SLC28A1: variants seen among roughly 807,000 people sequenced by gnomAD.
The protein encoded by SLC28A1 is solute carrier family 28 member 1.
SLC28A1 carries 64 observed loss-of-function variants against 74.8 expected under a neutral mutation model. The ratio of observed to expected loss-of-function variants is 0.86; its 90% CI spans 0.70 to 1.05. The LOEUF is 1.05. SLC28A1 is among the 50% of genes least tolerant of loss of function. The probability of loss-of-function intolerance (pLI) is 0.00; values close to 1 mark genes in which losing one functional copy is unlikely to be tolerated. For synonymous variants in SLC28A1, 359 were observed against 335.0 expected (o/e 1.07, Z -0.78); for missense variants, 828 against 822.8 (o/e 1.01, Z -0.08).
At chr15:84,944,197 GT>G (rs1180867524) in intron 16 of SLC28A1, among the ~76,000 whole-genome samples, 1 of 152,220 alleles carries the variant, frequency 6.6e-6, no homozygotes, top group African/African-American at 2.4e-5. Context: ...ACACTGCCTG[GT>G]GGTATAATCA....
chr15:84,922,797 G>A lies in SLC28A1; in HGVS notation c.958-1188G>A, dbSNP rs551790171. Among the ~76,000 whole-genome samples, 14 of 152,362 alleles carry A rather than the reference G, an allele frequency of 9.2e-5. No homozygotes were observed. In the East Asian group the frequency reaches 2.5e-3, roughly 27 times the overall value. On this transcript the variant is annotated intron_variant, in intron 11 of 18. Coordinates refer to ENST00000394573, the MANE Select transcript of SLC28A1 (RefSeq NM_004213.5). ...TGCTATGGCTTTTGGACCTTGCAGA[G>A]CTTCTTGCTGCCTTAGGGCCTCTGC...
At chr15:84,914,300 AC>A (rs1241516192) in intron 9 of SLC28A1, among the ~76,000 whole-genome samples, 6 of 151,400 alleles carry the variant, frequency 4.0e-5, no homozygotes, top group South Asian at 2.1e-4. Context: ...TAACCTAATC[AC>A]CCCCAAAGGC....
the SLC28A1 span, among the ~76,000 whole-genome samples, chr15:84,962,063 AT>A: frequency 1.3e-5 from 2 of 151,514 alleles, no homozygotes; most frequent in Admixed American, 6.6e-5. Flanking sequence ...CTTGACCTAA[AT>A]TTTTTTTTAA....
At chr15:84,893,495 A>G (rs1042092632) in intron 5 of SLC28A1, among the ~76,000 whole-genome samples, 1 of 152,162 alleles carries the variant, frequency 6.6e-6, no homozygotes, top group Non-Finnish European at 1.5e-5. Flanking sequence ...CCTCAATGTT[A>G]TCATTCCAGT....
intron 5 of SLC28A1, among the ~76,000 whole-genome samples, chr15:84,892,923 C>G (rs183133615): frequency 1.4e-3 from 215 of 152,296 alleles, no homozygotes; most frequent in African/African-American, 4.9e-3. Context: ...GAGCTTAGCT[C>G]AGGTCCTGCC....
At chr15:84,926,806 G>GC (rs199499700) in intron 12 of SLC28A1, among the ~76,000 whole-genome samples, 4,074 of 145,120 alleles carry the variant, frequency 0.028, 144 homozygotes, top group Non-Finnish European at 0.041. Context: ...GGGGGGAGGG[G>GC]GGGGGTGGTG....
intron 11 of SLC28A1, among the ~76,000 whole-genome samples, chr15:84,922,272 A>T (rs1448624393): frequency 6.6e-6 from 1 of 152,118 alleles, no homozygotes; most frequent in Non-Finnish European, 1.5e-5. Context: ...TGGCCCCTTG[A>T]CCGTCCACTT....
At chr15:84,923,210 T>C (rs1447264869) in intron 11 of SLC28A1, among the ~76,000 whole-genome samples, 1 of 152,186 alleles carries the variant, frequency 6.6e-6, no homozygotes, top group Non-Finnish European at 1.5e-5. Context: ...AGTGCTGGGA[T>C]TGCAGGCGTG....
intron 9 of SLC28A1, among the ~76,000 whole-genome samples, chr15:84,913,722 T>C (rs1471648535): frequency 1.3e-5 from 2 of 152,224 alleles, no homozygotes; most frequent in African/African-American, 4.8e-5. Context: ...CAGGACTTAC[T>C]TGGCTCTTCC....
intron 9 of SLC28A1, among the ~76,000 whole-genome samples, chr15:84,917,006 C>CA (rs1462032253): frequency 1.8e-5 from 2 of 110,720 alleles, no homozygotes; most frequent in Non-Finnish European, 3.4e-5. Context: ...CCAGCCTGGG[C>CA]AACAGAGTGA....
At chr15:84,960,486 G>GT in the SLC28A1 span, among the ~76,000 whole-genome samples, 1 of 151,864 alleles carries the variant, frequency 6.6e-6, no homozygotes, top group Admixed American at 6.6e-5. Flanking sequence ...TCGAACCCCT[G>GT]TACTCAAGCG....
chr15:84,956,103 C>T, the SLC28A1 span, among the ~76,000 whole-genome samples: 1 of 152,188 alleles, frequency 6.6e-6, no homozygotes, highest in East Asian at 1.9e-4. Context: ...CTCTTTCAGT[C>T]ATTTCTGTTA....
the SLC28A1 span, among the ~76,000 whole-genome samples, chr15:84,963,096 G>A: frequency 6.6e-6 from 1 of 152,176 alleles, no homozygotes; most frequent in Non-Finnish European, 1.5e-5. Flanking sequence ...GGGGGAGGGA[G>A]ACTCAACGAT....
intron 6 of SLC28A1, chr15:84,895,933 C>T: frequency 3.0e-6 from 3 of 990,890 alleles, no homozygotes; most frequent in Non-Finnish European, 3.6e-6. Context: ...CATACCACAG[C>T]AAAATGATTT....
the SLC28A1 span, among the ~76,000 whole-genome samples, chr15:84,965,529 C>T: frequency 6.6e-6 from 1 of 152,096 alleles, no homozygotes; most frequent in Non-Finnish European, 1.5e-5. Flanking sequence ...TATATGGCCA[C>T]CCAGAATAAA....
chr15:84,905,620 A>G lies in SLC28A1; in HGVS notation c.685A>G (p.Ile229Val). The change falls in exon 8 of 19, where the codon ATT (isoleucine) becomes GTT (valine). Residue 229 changes from isoleucine to valine, a missense_variant. Coordinates refer to ENST00000394573, the MANE Select transcript of SLC28A1 (RefSeq NM_004213.5). ...CGTCATCAGAACAGAACCAGGATTC[A>G]TTGCGTTCGAGTGGCTGGGCGAGCA... ...LLVIRTEPGF[I>V]AFEWLGEQIR... The G allele has an allele frequency of 6.2e-7, 1 of 1,614,032 alleles. No homozygotes were observed. The highest frequency in any genetic ancestry group is 2.2e-5 in the East Asian group (1 of 44,872).
intron 4 of SLC28A1, among the ~76,000 whole-genome samples, chr15:84,889,063 A>G (rs546358291): frequency 7.9e-5 from 12 of 152,244 alleles, no homozygotes; most frequent in Admixed American, 7.8e-4. Context: ...CTGCTTTTGA[A>G]CAGCTGAAAC....
chr15:84,932,566 G>A (rs895692242), intron 12 of SLC28A1, among the ~76,000 whole-genome samples: 3 of 152,288 alleles, frequency 2.0e-5, no homozygotes, highest in East Asian at 3.9e-4. Flanking sequence ...TGAGTTCCCC[G>A]TCACAGTAAG....
chr15:84,947,919 G>C (rs1168328709), downstream of SLC28A1, among the ~76,000 whole-genome samples: 1 of 152,172 alleles, frequency 6.6e-6, no homozygotes, highest in Non-Finnish European at 1.5e-5. Flanking sequence ...ATATATGGGA[G>C]CTCGGTAGTA....
Sources: allele counts gnomAD v4.1 joint callset (sites outside exome capture counted in the v4.1 genomes callset), GRCh38; gene constraint gnomAD v4.1.1; transcripts MANE v1.5; gene names NCBI Gene and HGNC (gene_info 2026-07-23, HGNC 2026-07-21).